Variants in UTRN observed in about 807,000 individuals in gnomAD.
UTRN encodes utrophin.
UTRN carries 283 observed loss-of-function variants against 463.9 expected under a neutral mutation model. The observed-to-expected ratio is 0.61, with a 90% confidence interval of 0.55 to 0.67. The LOEUF (loss-of-function observed/expected upper bound fraction) is 0.67, where lower values mean the gene tolerates loss of function less well. UTRN is among the 30% of genes least tolerant of loss of function. The pLI is 0.00. For missense variants in UTRN, 3,922 were observed against 4,084.3 expected (o/e 0.96, Z 1.08); for synonymous variants, 1,442 against 1,431.5 (o/e 1.01, Z -0.17).
intron 51 of UTRN, among the ~76,000 whole-genome samples, chr6:144,581,891 T>C (rs754533711): frequency 9.9e-5 from 15 of 152,228 alleles, no homozygotes; most frequent in Non-Finnish European, 1.9e-4. Flanking sequence ...CACTAATCTA[T>C]TTCTATCTAT....
At chr6:144,456,066 C>G (rs572322858) in intron 19 of UTRN, among the ~76,000 whole-genome samples, 2 of 151,980 alleles carry the variant, frequency 1.3e-5, no homozygotes, top group East Asian at 3.9e-4. Context: ...ATTAGAGGAC[C>G]CTAATTCTTT....
Position 144,789,524 on chromosome 6 carries a change from A to G in UTRN, c.8920+245A>G, listed in dbSNP as rs576119997. 1.5e-3 allele frequency among the ~76,000 whole-genome samples: 236 copies of G among 152,264 alleles called. 1 individual carries two copies. The highest frequency in any genetic ancestry group is 5.4e-3 in the African/African-American group (225 of 41,558). Reference sequence around the variant, plus strand: ...AGGATGGAGTGAGACCCAACTACAAATTATACTTCATTTAATTCTTAGAAT... The same window carrying G: ...AGGATGGAGTGAGACCCAACTACAAGTTATACTTCATTTAATTCTTAGAAT... On this transcript the variant is annotated intron_variant, in intron 62 of 74. Transcript: ENST00000367545.
intron 54 of UTRN, among the ~76,000 whole-genome samples, chr6:144,735,996 A>G (rs1284306419): frequency 1.3e-5 from 2 of 151,958 alleles, no homozygotes; most frequent in Non-Finnish European, 2.9e-5. Flanking sequence ...TTAATACTAC[A>G]TTTGGGGGGA....
At chr6:144,654,807 C>T (rs1056988184) in intron 51 of UTRN, among the ~76,000 whole-genome samples, 4 of 152,138 alleles carry the variant, frequency 2.6e-5, no homozygotes, top group African/African-American at 4.8e-5. Context: ...AATAAAGTGC[C>T]GTCTGAATTG....
At position 144,810,228 on chromosome 6, in the gene UTRN, A is replaced by G. The variant is rs1015869311; in HGVS notation, c.9357+7081A>G. On this transcript the variant is annotated intron_variant, in intron 65 of 74. Transcript: ENST00000367545. ...TAGGGAAGAAGGATGGGAGAAGGTC[A>G]GAGAGATCTTGCTACGTCTGCTGTT... 3.3e-5 allele frequency among the ~76,000 whole-genome samples: 5 copies of G among 152,148 alleles called. No individual in the cohort carries two copies. The South Asian group carries it at 6.2e-4, about 19-fold the overall frequency.
intron 2 of UTRN, among the ~76,000 whole-genome samples, chr6:144,385,961 A>G (rs1781381522): frequency 6.6e-6 from 1 of 152,130 alleles, no homozygotes; most frequent in African/African-American, 2.4e-5. Flanking sequence ...CACCTGCCTC[A>G]GCCTCCCAAA....
chr6:144,852,443 C>T lies in UTRN; in HGVS notation c.*1446C>T, dbSNP rs912878789. 7 of 152,514 alleles carry T rather than the reference C, an allele frequency of 4.6e-5. No homozygotes were observed. The highest frequency in any genetic ancestry group is 1.9e-4 in the East Asian group (1 of 5,188). 9.4% of individuals were successfully genotyped at this position (152,514 alleles called of 1,614,324 possible). A position where few individuals can be genotyped will look rare whatever the true frequency, so the allele number is the denominator to read the frequency against. On this transcript the variant is annotated 3_prime_UTR_variant, in exon 75 of 75. Coordinates refer to ENST00000367545, the MANE Select transcript of UTRN (RefSeq NM_007124.3). ...CATTTTAACTTTGGGTTCTCTTTAG[C>T]TGGGATCTGGCCAGAAGGAGGCTTA...
Position 144,490,843 on chromosome 6 carries a change from A to T in UTRN, c.4264-86A>T. On this transcript the variant is annotated intron_variant, in intron 31 of 74. Coordinates refer to ENST00000367545, the MANE Select transcript of UTRN (RefSeq NM_007124.3). ...TTTTTTTCTTTTGGTACTTTATGGT[A>T]CAAATTTTTAGTAGTATCTGTTATG... 2.1e-6 allele frequency: 3 copies of T among 1,421,322 alleles called. No individual in the cohort carries two copies. The South Asian group carries it at 4.7e-5, about 22-fold the overall frequency. The allele number at this position is 1,421,322 out of a possible 1,614,324, so 88.0% of individuals were successfully genotyped here. A position where few individuals can be genotyped will look rare whatever the true frequency, so the allele number is the denominator to read the frequency against.
intron 53 of UTRN, among the ~76,000 whole-genome samples, chr6:144,727,150 A>G (rs1787962721): frequency 6.6e-6 from 1 of 152,130 alleles, no homozygotes; most frequent in South Asian, 2.1e-4. Flanking sequence ...ATGCCCCGTA[A>G]TAGTTTTATA....
At chr6:144,642,884 G>C (rs1013357321) in intron 51 of UTRN, among the ~76,000 whole-genome samples, 1 of 152,118 alleles carries the variant, frequency 6.6e-6, no homozygotes, top group Admixed American at 6.5e-5. Context: ...CATAATCAGA[G>C]AAATTTTGAC....
intron 51 of UTRN, among the ~76,000 whole-genome samples, chr6:144,589,434 G>A (rs1388157553): frequency 6.6e-6 from 1 of 152,154 alleles, no homozygotes; most frequent in Admixed American, 6.5e-5. Context: ...AAGTCAGCAA[G>A]TGAAGGAACA....
intron 65 of UTRN, among the ~76,000 whole-genome samples, chr6:144,817,865 A>G (rs1302754441): frequency 1.3e-5 from 2 of 152,176 alleles, no homozygotes; most frequent in Non-Finnish European, 2.9e-5. Flanking sequence ...CTGTGTGTGT[A>G]CTAACTTTTA....
chr6:144,725,017 A>C (rs1196297887), intron 53 of UTRN, among the ~76,000 whole-genome samples: 1 of 152,172 alleles, frequency 6.6e-6, no homozygotes, highest in African/African-American at 2.4e-5. Context: ...TGCCAAACTG[A>C]TTTCCAGAGT....
intron 2 of UTRN, among the ~76,000 whole-genome samples, chr6:144,346,354 GT>G (rs562228702): frequency 1.7e-3 from 255 of 152,194 alleles, no homozygotes; most frequent in African/African-American, 6.0e-3. Flanking sequence ...ATGTATTTCA[GT>G]GCATGTTATT....
intron 25 of UTRN, among the ~76,000 whole-genome samples, chr6:144,477,900 T>TATCTATCC (rs1429834315): frequency 6.6e-6 from 1 of 151,134 alleles, no homozygotes; most frequent in Non-Finnish European, 1.5e-5. Flanking sequence ...TCTATCTATC[T>TATCTATCC]ATCTATCTAT....
At chr6:144,457,174 G>A (rs960316451) in intron 19 of UTRN, among the ~76,000 whole-genome samples, 7 of 152,076 alleles carry the variant, frequency 4.6e-5, no homozygotes, top group Non-Finnish European at 5.9e-5. Context: ...AATCATTACC[G>A]GGCATCACTG....
intron 74 of UTRN, among the ~76,000 whole-genome samples, chr6:144,849,358 A>C (rs1007127768): frequency 3.9e-5 from 6 of 152,172 alleles, no homozygotes; most frequent in African/African-American, 7.2e-5. Context: ...TGTGAGTGAC[A>C]AAGGCAAGGA....
chr6:144,333,198 C>T (rs971527791), intron 2 of UTRN: 3 of 152,166 alleles, frequency 2.0e-5, no homozygotes, highest in Non-Finnish European at 4.4e-5. Flanking sequence ...ACCTCGGCCT[C>T]CCAAAGTGCT....
At chr6:144,321,510 T>A (rs571054841) in intron 2 of UTRN, among the ~76,000 whole-genome samples, 1 of 136,444 alleles carries the variant, frequency 7.3e-6, no homozygotes, top group African/African-American at 2.7e-5. Flanking sequence ...CGCTCTGTCA[T>A]CCAGGCTGGA....
Sources: gnomAD v4.1 joint callset for allele counts (sites outside exome capture counted in the v4.1 genomes callset) on GRCh38, gnomAD v4.1.1 for gene constraint, MANE v1.5 for transcripts, NCBI Gene and HGNC (gene_info 2026-07-23, HGNC 2026-07-21) for gene names.